Variants in CDH8 observed in about 807,000 individuals in gnomAD.
The protein encoded by CDH8 is cadherin-8.
A neutral mutation model predicts 68.1 loss-of-function variants in CDH8; 17 were observed. The observed-to-expected ratio is 0.25, with a 90% confidence interval of 0.17 to 0.37. CDH8 has a LOEUF of 0.37. Ranked by LOEUF, CDH8 falls within the 10% of genes least tolerant of loss-of-function variation. The probability of loss-of-function intolerance (pLI) is 1.00; values close to 1 mark genes in which losing one functional copy is unlikely to be tolerated. For synonymous variants in CDH8, 372 were observed against 365.1 expected (o/e 1.02, Z -0.21); for missense variants, 763 against 999.3 (o/e 0.76, Z 3.19).
At chr16:61,953,896 TA>T (rs1964936884) in intron 2 of CDH8, among the ~76,000 whole-genome samples, 2 of 1,858 alleles carry the variant, frequency 1.1e-3, no homozygotes, top group African/African-American at 2.1e-3. Flanking sequence ...AAAAAAACTT[TA>T]TATATATATA....
At chr16:61,660,951 G>A (rs1963544219) in intron 10 of CDH8, among the ~76,000 whole-genome samples, 1 of 151,842 alleles carries the variant, frequency 6.6e-6, no homozygotes, top group African/African-American at 2.4e-5. Flanking sequence ...GAAAGCAAAT[G>A]ACCCCAGATG....
chr16:61,867,157 ACTATGAG>A (rs1180837891), intron 3 of CDH8, among the ~76,000 whole-genome samples: 1 of 152,214 alleles, frequency 6.6e-6, no homozygotes, highest in Non-Finnish European at 1.5e-5. Flanking sequence ...CATTACAAGA[ACTATGAG>A]TTCACAGAGT....
intron 8 of CDH8, among the ~76,000 whole-genome samples, chr16:61,762,296 T>C (rs1375769801): frequency 6.6e-6 from 1 of 152,196 alleles, no homozygotes; most frequent in Admixed American, 6.5e-5. Flanking sequence ...GTTATAGTAT[T>C]GTACTATATA....
At chr16:61,963,273 T>C (rs1433604965) in intron 2 of CDH8, among the ~76,000 whole-genome samples, 2 of 152,184 alleles carry the variant, frequency 1.3e-5, no homozygotes, top group Non-Finnish European at 2.9e-5. Flanking sequence ...CATGTCACCA[T>C]GACCATCAGT....
At chr16:61,745,938 C>T (rs191391263) in intron 8 of CDH8, among the ~76,000 whole-genome samples, 15 of 152,038 alleles carry the variant, frequency 9.9e-5, no homozygotes, top group African/African-American at 3.6e-4. Context: ...TCCCTTTAGA[C>T]AAATTTGGTT....
At chr16:61,753,239 C>T (rs1341544503) in intron 8 of CDH8, among the ~76,000 whole-genome samples, 1 of 143,986 alleles carries the variant, frequency 6.9e-6, no homozygotes, top group Non-Finnish European at 1.5e-5. Flanking sequence ...ATATTTCTTT[C>T]TTTTTTTTTT....
rs201932384 is a variant in CDH8 at position 61,654,041 on chromosome 16, T to A, written c.1967A>T (p.Asp656Val). The A allele has an allele frequency of 6.2e-7, 1 of 1,614,148 alleles. No homozygotes were observed. Among genetic ancestry groups the A allele is most frequent in the Non-Finnish European group, 8.5e-7 (1 of 1,180,014 alleles). The change falls in exon 12 of 12, where the codon GAT (aspartate) becomes GTT (valine). Residue 656 changes from aspartate (D) to valine (V), a missense_variant. Transcript: ENST00000577390. The stretch of plus-strand genomic sequence containing the variant: ...GATGTTTTCTCGAACGTCTTCATCA[T>A]CTTTGATAATTAATGGTTCATTTTT... ...RHKNEPLIIK[D>V]DEDVRENIIR...
At chr16:61,660,351 T>C (rs1963531562) in intron 10 of CDH8, among the ~76,000 whole-genome samples, 1 of 151,310 alleles carries the variant, frequency 6.6e-6, no homozygotes, top group African/African-American at 2.4e-5. Flanking sequence ...ACAGTAGACT[T>C]GAATTGGCAA....
intron 2 of CDH8, among the ~76,000 whole-genome samples, chr16:61,985,968 G>A (rs1418226245): frequency 4.2e-5 from 5 of 120,450 alleles, no homozygotes; most frequent in African/African-American, 1.3e-4. Context: ...CTTTCACCCA[G>A]ACTGGAGTGC....
intron 3 of CDH8, among the ~76,000 whole-genome samples, chr16:61,873,235 T>C (rs1046914805): frequency 2.6e-5 from 4 of 152,216 alleles, no homozygotes; most frequent in Non-Finnish European, 5.9e-5. Context: ...CTGTGTCCTG[T>C]AGACATAAAT....
At chr16:62,019,141 A>T (rs900794623) in intron 2 of CDH8, among the ~76,000 whole-genome samples, 4 of 152,246 alleles carry the variant, frequency 2.6e-5, no homozygotes, top group Admixed American at 1.3e-4. Flanking sequence ...GTATTCCCAG[A>T]ATTTCATATG....
intron 3 of CDH8, among the ~76,000 whole-genome samples, chr16:61,863,245 CA>C (rs1422679619): frequency 6.6e-6 from 1 of 152,062 alleles, no homozygotes; most frequent in Non-Finnish European, 1.5e-5. Context: ...TTTTAATTAA[CA>C]AAAGGCTTAC....
At chr16:62,011,988 T>C (rs1901823861) in intron 2 of CDH8, among the ~76,000 whole-genome samples, 1 of 152,196 alleles carries the variant, frequency 6.6e-6, no homozygotes. Context: ...GACAGAAATG[T>C]GGATGACCAA....
chr16:61,792,576 T>C (rs975888018), intron 7 of CDH8, among the ~76,000 whole-genome samples: 1 of 151,972 alleles, frequency 6.6e-6, no homozygotes, highest in African/African-American at 2.4e-5. Context: ...CTTTTCTTGG[T>C]TTCTTATATA....
intron 8 of CDH8, among the ~76,000 whole-genome samples, chr16:61,776,724 C>T (rs1340300567): frequency 2.0e-5 from 3 of 151,988 alleles, no homozygotes; most frequent in Middle Eastern, 3.2e-3. Flanking sequence ...ATGATTAATA[C>T]TATAAAATTG....
intron 3 of CDH8, among the ~76,000 whole-genome samples, chr16:61,889,115 C>T (rs1963729754): frequency 6.6e-6 from 1 of 152,084 alleles, no homozygotes; most frequent in African/African-American, 2.4e-5. Context: ...TCCATGTGAT[C>T]CCAGGTGATA....
Position 61,674,471 on chromosome 16 carries a change from AC to A in CDH8, c.1655-18751del, listed in dbSNP as rs1380677771. 9.8e-3 allele frequency among the ~76,000 whole-genome samples: 1,310 copies of A among 134,266 alleles called. 21 individuals are homozygous for A. The highest frequency in any genetic ancestry group is 0.041 in the African/African-American group (1,248 of 30,542). 88.1% of individuals were successfully genotyped at this position (134,266 alleles called of 152,430 possible). ...TCCAACTCACAAAAAAAAAAAAAAA[AC>A]CCTCACACTGATTAGAACTGATCTA... On this transcript the variant is annotated intron_variant, in intron 10 of 11. Coordinates refer to ENST00000577390, the MANE Select transcript of CDH8 (RefSeq NM_001796.5).
At chr16:61,859,779 CATAACA>C (rs2143016968) in intron 3 of CDH8, among the ~76,000 whole-genome samples, 1 of 152,274 alleles carries the variant, frequency 6.6e-6, no homozygotes, top group East Asian at 1.9e-4. Context: ...GTGTTGCTAA[CATAACA>C]ATATTAAGAG....
intron 3 of CDH8, among the ~76,000 whole-genome samples, chr16:61,877,056 T>C (rs963333154): frequency 6.6e-6 from 1 of 152,214 alleles, no homozygotes; most frequent in African/African-American, 2.4e-5. Context: ...AAGATAATTG[T>C]GAACTAAATG....
Sources: allele counts gnomAD v4.1 joint callset (sites outside exome capture counted in the v4.1 genomes callset), GRCh38; gene constraint gnomAD v4.1.1; transcripts MANE v1.5; gene names NCBI Gene and HGNC (gene_info 2026-07-23, HGNC 2026-07-21).